Variants in ZNF608 observed in about 807,000 individuals in gnomAD.
ZNF608 encodes the protein zinc finger protein 608.
A neutral mutation model predicts 109.0 loss-of-function variants in ZNF608; 12 were observed. The ratio of observed to expected loss-of-function variants is 0.11; its 90% CI spans 0.07 to 0.18. The LOEUF (loss-of-function observed/expected upper bound fraction) is 0.18. Among genes scored for constraint, ZNF608 ranks in the 10% least tolerant of loss-of-function variants. The pLI, the probability that ZNF608 is intolerant of heterozygous loss-of-function variation, is 1.00. For missense variants in ZNF608, 1,707 were observed against 1,879.3 expected, an observed-to-expected ratio of 0.91 and a Z score of 1.70; for synonymous variants, 732 against 717.4, an observed-to-expected ratio of 1.02 and a Z score of -0.33.
intron 6 of ZNF608, 35 bp from the exon 7 acceptor site, chr5:124,643,718 A>C (rs1266098643): frequency 1.3e-6 from 2 of 1,595,390 alleles, no homozygotes; most frequent in Non-Finnish European, 1.7e-6. Flanking sequence ...ATCAAGTTAC[A>C]GGCTATATCT....
At chr5:124,692,415 G>A (rs1752661662) in intron 3 of ZNF608, among the ~76,000 whole-genome samples, 1 of 152,192 alleles carries the variant, frequency 6.6e-6, no homozygotes, top group African/African-American at 2.4e-5. Context: ...CAAAACAGAT[G>A]GAATTTGTGC....
At chr5:124,649,791 C>A (rs1750700107) in intron 3 of ZNF608, 94 bp from the exon 4 acceptor site, 1 of 763,322 alleles carries the variant, frequency 1.3e-6, no homozygotes, top group Admixed American at 3.1e-5. Flanking sequence ...TTTTTGCCAG[C>A]AAGTTCTATT....
At chr5:124,677,401 A>G (rs1430031598) in intron 3 of ZNF608, among the ~76,000 whole-genome samples, 1 of 152,212 alleles carries the variant, frequency 6.6e-6, no homozygotes, top group African/African-American at 2.4e-5. Flanking sequence ...TCAACTGAAC[A>G]CACAGTCTAT....
At position 124,744,382 on chromosome 5, in the gene ZNF608, C is replaced by A. The variant is rs765028505; in HGVS notation, c.608G>T (p.Arg203Leu). 1.2e-6 allele frequency: 2 copies of A among 1,614,260 alleles called. No individual in the cohort carries two copies. Among genetic ancestry groups the A allele is most frequent in the Admixed American group, 1.7e-5 (1 of 60,030 alleles). The change falls in exon 2 of 10, where the codon CGG (arginine) becomes CTG (leucine). Residue 203 changes from arginine to leucine, a missense_variant. Arg to Leu is a moderately radical substitution (Grantham distance 102, BLOSUM62 -2). This residue lies in a region of ZNF608 where 407 missense variants were observed against 398.7 expected (regional missense o/e 1.02). Coordinates refer to ENST00000513986, the MANE Select transcript of ZNF608 (RefSeq NM_020747.3). The surrounding 1 kb of genome is among the most constrained non-coding windows in gnomAD (Gnocchi z 4.5). ...CCTGGATTTCCCCGCATCCTTATCC[C>A]GCTTGGCGCCTCGGCTGCTCTGGCT... ...GKSQSSRGAK[R>L]DKDAGKSRKD...
chr5:124,644,561 T>A lies in ZNF608; in HGVS notation c.3806A>T (p.Asp1269Val), dbSNP rs757526100. Reference sequence around the variant, plus strand: ...TTTATTAGGAGTTTTCCTCGGACTATCCTCTTTTAATTTCTTCTCTCTATC... The same window carrying A: ...TTTATTAGGAGTTTTCCTCGGACTAACCTCTTTTAATTTCTTCTCTCTATC... ...ELDREKKLKE[D>V]SPRKTPNKES... is the part of the protein sequence containing the mutation. Residue 1269 changes from aspartate to valine, a missense_variant, in exon 6 of 10, where the codon GAT becomes GTT. Coordinates refer to ENST00000513986, the MANE Select transcript of ZNF608 (RefSeq NM_020747.3). 2.7e-5 allele frequency: 44 copies of A among 1,613,964 alleles called. No homozygotes were observed. The South Asian group carries it at 4.8e-4, about 18-fold the overall frequency.
At chr5:124,699,420 A>T (rs557741390) in intron 3 of ZNF608, among the ~76,000 whole-genome samples, 138 of 152,348 alleles carry the variant, frequency 9.1e-4, no homozygotes, top group African/African-American at 3.2e-3. Flanking sequence ...ATGGCTTCCC[A>T]GAATATCTGA....
intron 3 of ZNF608, among the ~76,000 whole-genome samples, chr5:124,689,213 C>T (rs546081696): frequency 2.6e-5 from 4 of 152,244 alleles, no homozygotes; most frequent in Admixed American, 1.3e-4. Flanking sequence ...CAGTGATACG[C>T]TTGTGATGTG....
rs201615708 is a variant in ZNF608 at position 124,648,314 on chromosome 5, G to T, written c.2070C>A (p.Asp690Glu). Residue 690 changes from aspartate (D) to glutamate (E), a missense_variant, in exon 5 of 10, where the codon GAC becomes GAA. By Grantham distance (45) the Asp-to-Glu change is conservative. Transcript: ENST00000513986. ...TAGGCATCTCAGCAGCCAAACTGCC[G>T]TCTGCTGCCGAGCAACTGTCTAACG... Reference protein sequence around the residue: ...TAALDSCSAADGSLAAEMPKL... With the variant: ...TAALDSCSAAEGSLAAEMPKL... 3 of 1,614,116 alleles carry T rather than the reference G, an allele frequency of 1.9e-6. No homozygotes were observed. Among genetic ancestry groups the T allele is most frequent in the Non-Finnish European group, 2.5e-6 (3 of 1,180,028 alleles).
At chr5:124,640,231 A>G (rs1289551023) in intron 8 of ZNF608, among the ~76,000 whole-genome samples, 1 of 152,258 alleles carries the variant, frequency 6.6e-6, no homozygotes, top group Non-Finnish European at 1.5e-5. Context: ...CAAGTGCAAT[A>G]GACTAAATTA....
intron 2 of ZNF608, among the ~76,000 whole-genome samples, chr5:124,727,203 C>T (rs1748646381): frequency 6.6e-6 from 1 of 152,176 alleles, no homozygotes; most frequent in African/African-American, 2.4e-5. Context: ...CCAGGATTTT[C>T]AATAGAAAAT....
At chr5:124,645,709 C>G (rs898203522) in intron 5 of ZNF608, among the ~76,000 whole-genome samples, 3 of 152,056 alleles carry the variant, frequency 2.0e-5, no homozygotes, top group African/African-American at 7.3e-5. Flanking sequence ...TTCAGGTGTT[C>G]TCAAGCTGAC....
At chr5:124,714,523 T>C (rs1245565936) in intron 2 of ZNF608, among the ~76,000 whole-genome samples, 2 of 152,198 alleles carry the variant, frequency 1.3e-5, no homozygotes, top group Non-Finnish European at 2.9e-5. Context: ...TGTGCTTCAA[T>C]CTCAGATCAT....
At chr5:124,688,634 T>C (rs1404883285) in intron 3 of ZNF608, among the ~76,000 whole-genome samples, 3 of 152,220 alleles carry the variant, frequency 2.0e-5, no homozygotes, top group South Asian at 2.1e-4. Flanking sequence ...TTCCTGAAAA[T>C]TGATCCCAGC....
chr5:124,709,443 C>A (rs962391088), intron 2 of ZNF608, among the ~76,000 whole-genome samples: 7 of 152,306 alleles, frequency 4.6e-5, no homozygotes, highest in South Asian at 2.1e-4. Context: ...AACTACTCTA[C>A]TCAATGTCTT....
chr5:124,744,811 C>G lies in ZNF608; in HGVS notation c.179G>C (p.Ser60Thr). 6.2e-7 allele frequency: 1 copy of G among 1,614,206 alleles called. No homozygotes were observed. The highest frequency in any genetic ancestry group is 8.5e-7 in the Non-Finnish European group (1 of 1,180,008). ...MNNSTTTTSSSNSKDCGGPAS... is the reference protein window; with the variant it reads ...MNNSTTTTSSTNSKDCGGPAS... The stretch of plus-strand genomic sequence containing the variant: ...CGGACCTCCACAATCCTTGGAGTTG[C>G]TGCTACTAGTGGTGGTGGTGGAATT... Residue 60 changes from serine to threonine, a missense_variant, in exon 2 of 10, where the codon AGC becomes ACC. Physicochemically the swap from Ser to Thr is moderately conservative, Grantham distance 58. Coordinates refer to ENST00000513986, the MANE Select transcript of ZNF608 (RefSeq NM_020747.3). This position sits in a 1 kb window ranked among gnomAD's most constrained non-coding sequence, Gnocchi z 4.5.
chr5:124,714,194 C>T (rs1753606499), intron 2 of ZNF608, among the ~76,000 whole-genome samples: 1 of 152,252 alleles, frequency 6.6e-6, no homozygotes, highest in Admixed American at 6.5e-5. Flanking sequence ...AAACAACCAT[C>T]CTATGTAATT....
intron 6 of ZNF608, 133 bp downstream of exon 6, chr5:124,644,111 G>T: frequency 3.8e-6 from 3 of 797,300 alleles, no homozygotes; most frequent in South Asian, 5.1e-5. Flanking sequence ...TTTTATCTTT[G>T]GGACTTTAAA....
chr5:124,701,207 C>A lies in ZNF608; in HGVS notation c.969G>T (p.Gln323His). The A allele has an allele frequency of 6.2e-7, 1 of 1,614,136 alleles. No homozygotes were observed. Among genetic ancestry groups the A allele is most frequent in the Non-Finnish European group, 8.5e-7 (1 of 1,180,022 alleles). The change falls in exon 3 of 10, where the codon CAG (glutamine) becomes CAT (histidine). Residue 323 changes from glutamine (Q) to histidine (H), a missense_variant. Physicochemically the swap from Gln to His is conservative, Grantham distance 24. Transcript: ENST00000513986. ...PPPISSSLTPQILPSYFSPSS... is the reference protein window; with the variant it reads ...PPPISSSLTPHILPSYFSPSS... ...ATGGGGAAAAGTAGGAGGGTAGAATCTGAGGCGTGAGACTGCTGGAAATCG... is the reference window on the plus strand; with the variant it reads ...ATGGGGAAAAGTAGGAGGGTAGAATATGAGGCGTGAGACTGCTGGAAATCG...
chr5:124,717,123 C>G (rs1041830415), intron 2 of ZNF608, among the ~76,000 whole-genome samples: 1 of 152,088 alleles, frequency 6.6e-6, no homozygotes, highest in Admixed American at 6.6e-5. Context: ...CCCTCTGACA[C>G]ATTTTAAAAT....
Sources: allele counts gnomAD v4.1 joint callset (sites outside exome capture counted in the v4.1 genomes callset), GRCh38; gene constraint gnomAD v4.1.1; regional missense constraint gnomAD v4.1.1; non-coding constraint Gnocchi (gnomAD v3.1); transcripts MANE v1.5; gene names NCBI Gene and HGNC (gene_info 2026-07-23, HGNC 2026-07-21).